Variants in CCDC149 observed in about 807,000 individuals in gnomAD.
CCDC149 encodes the protein coiled-coil domain-containing protein 149.
CCDC149 carries 45 observed loss-of-function variants against 59.9 expected under a neutral mutation model. The ratio of observed to expected loss-of-function variants is 0.75; its 90% CI spans 0.59 to 0.96. The LOEUF (loss-of-function observed/expected upper bound fraction) is 0.96, where lower values mean the gene tolerates loss of function less well. Among genes scored for constraint, CCDC149 ranks in the 40% least tolerant of loss-of-function variants. The probability of loss-of-function intolerance (pLI) is 0.00; values close to 1 mark genes in which losing one functional copy is unlikely to be tolerated. For missense variants in CCDC149, 584 were observed against 664.7 expected, an observed-to-expected ratio of 0.88 and a Z score of 1.33; for synonymous variants, 245 against 260.6, an observed-to-expected ratio of 0.94 and a Z score of 0.58.
At chr4:24,979,349 G>A (rs568839805) in intron 1 of CCDC149, among the ~76,000 whole-genome samples, 6 of 152,192 alleles carry the variant, frequency 3.9e-5, no homozygotes, top group African/African-American at 4.8e-5. Flanking sequence ...GGAAATGTCT[G>A]CAAGTGATCT....
At chr4:24,819,680 G>T (rs1715239941) in intron 12 of CCDC149, among the ~76,000 whole-genome samples, 179 bp downstream of exon 12, 1 of 152,178 alleles carries the variant, frequency 6.6e-6, no homozygotes, top group African/African-American at 2.4e-5. Flanking sequence ...CCTGCATGCT[G>T]CATTTAAAAC....
At chr4:24,927,919 C>T (rs186385654) in intron 1 of CCDC149, among the ~76,000 whole-genome samples, 218 of 150,826 alleles carry the variant, frequency 1.4e-3, no homozygotes, top group Middle Eastern at 0.01. Flanking sequence ...AAGTGAATTT[C>T]TTCCTTTTGC....
intron 1 of CCDC149, among the ~76,000 whole-genome samples, chr4:24,940,373 C>A (rs1315808317): frequency 4.7e-4 from 68 of 145,920 alleles, no homozygotes; most frequent in African/African-American, 1.3e-3. Flanking sequence ...CCAGGCCTGC[C>A]CTAAAAGAGC....
intron 1 of CCDC149, among the ~76,000 whole-genome samples, chr4:24,893,459 G>A (rs1332325170): frequency 6.6e-6 from 1 of 152,062 alleles, no homozygotes; most frequent in Non-Finnish European, 1.5e-5. Flanking sequence ...TGTAAGACTT[G>A]TAATCCACTT....
intron 9 of CCDC149, chr4:24,828,573 T>A (rs1333496517): frequency 6.6e-6 from 1 of 151,334 alleles, no homozygotes; most frequent in African/African-American, 2.4e-5. Context: ...AGGTCAAGAG[T>A]TTGAGACCAG....
chr4:24,962,823 T>C (rs1345943529), intron 1 of CCDC149, among the ~76,000 whole-genome samples: 1 of 151,946 alleles, frequency 6.6e-6, no homozygotes, highest in Non-Finnish European at 1.5e-5. Flanking sequence ...ACATGGCACA[T>C]GTATACATAT....
At chr4:24,888,798 T>G (rs1227185655) in intron 1 of CCDC149, among the ~76,000 whole-genome samples, 1 of 152,180 alleles carries the variant, frequency 6.6e-6, no homozygotes, top group East Asian at 1.9e-4. Context: ...ATTGCAAGAC[T>G]CCCTGGGCAT....
At chr4:24,841,631 G>A (rs1358232466) in intron 4 of CCDC149, among the ~76,000 whole-genome samples, 2 of 152,210 alleles carry the variant, frequency 1.3e-5, no homozygotes, top group African/African-American at 2.4e-5. Flanking sequence ...AGATGGCAGA[G>A]CCCCAGGGAG....
At chr4:24,896,536 T>C (rs1009022648) in intron 1 of CCDC149, among the ~76,000 whole-genome samples, 3 of 152,210 alleles carry the variant, frequency 2.0e-5, no homozygotes, top group Non-Finnish European at 4.4e-5. Context: ...TCAGACACGC[T>C]ATAATACAGG....
intron 1 of CCDC149, among the ~76,000 whole-genome samples, chr4:24,887,911 C>T (rs543722667): frequency 1.3e-5 from 2 of 152,292 alleles, no homozygotes; most frequent in East Asian, 1.9e-4. Context: ...CTTCTACTCC[C>T]GCCCTCCATG....
At chr4:24,856,865 A>G (rs1026358213) in intron 3 of CCDC149, among the ~76,000 whole-genome samples, 1 of 152,126 alleles carries the variant, frequency 6.6e-6, no homozygotes, top group Non-Finnish European at 1.5e-5. Flanking sequence ...CCTCCCTACC[A>G]GATGGAGGGC....
At chr4:24,967,187 A>C (rs925426751) in intron 1 of CCDC149, among the ~76,000 whole-genome samples, 2 of 152,154 alleles carry the variant, frequency 1.3e-5, no homozygotes, top group African/African-American at 4.8e-5. Context: ...ATTCGGACTG[A>C]GTGCATGTGA....
chr4:24,848,336 C>T (rs1036041929), intron 4 of CCDC149, among the ~76,000 whole-genome samples: 2 of 152,142 alleles, frequency 1.3e-5, no homozygotes, highest in South Asian at 2.1e-4. Context: ...TTTGGGATGC[C>T]GAGGTGGGTG....
intron 1 of CCDC149, among the ~76,000 whole-genome samples, chr4:24,925,191 G>C (rs1415501931): frequency 6.6e-6 from 1 of 152,168 alleles, no homozygotes; most frequent in Non-Finnish European, 1.5e-5. Flanking sequence ...AGACATTCCT[G>C]TTCAAAAGCA....
At chr4:24,958,914 A>G (rs530873226) in intron 1 of CCDC149, among the ~76,000 whole-genome samples, 9 of 152,024 alleles carry the variant, frequency 5.9e-5, no homozygotes, top group African/African-American at 2.2e-4. Context: ...AATCTCAGCT[A>G]CTCATGAGGC....
intron 12 of CCDC149, among the ~76,000 whole-genome samples, chr4:24,819,371 G>A (rs528074211): frequency 1.3e-5 from 2 of 152,276 alleles, no homozygotes; most frequent in East Asian, 3.9e-4. Context: ...CCCCAGGCTG[G>A]AGTGTGGTGG....
In CCDC149 at chr4:24,808,359, A is replaced by G. The variant is rs1714348834; in HGVS notation, c.*30T>C. 3.5e-6 allele frequency: 5 copies of G among 1,435,864 alleles called. No homozygotes were observed. Among genetic ancestry groups the G allele is most frequent in the Non-Finnish European group, 4.6e-6 (5 of 1,091,802 alleles). 88.9% of individuals were successfully genotyped at this position (1,435,864 alleles called of 1,614,324 possible). On this transcript the variant is annotated 3_prime_UTR_variant, in exon 13 of 13. Coordinates refer to ENST00000635206, the MANE Select transcript of CCDC149 (RefSeq NM_001330643.2). ...TTCTTGACCCTCTCTGGGGCTTTCA[A>G]TGTGTCATTGTGTCAGATCCCTCTC...
At chr4:24,905,624 C>G (rs1721456911) in intron 1 of CCDC149, among the ~76,000 whole-genome samples, 1 of 152,092 alleles carries the variant, frequency 6.6e-6, no homozygotes, top group East Asian at 1.9e-4. Context: ...TTAGTAGAGA[C>G]TGGGTTTTGC....
intron 1 of CCDC149, among the ~76,000 whole-genome samples, chr4:24,947,053 T>C (rs534441264): frequency 1.1e-4 from 16 of 152,334 alleles, no homozygotes; most frequent in Middle Eastern, 3.4e-3. Context: ...AGTAATAATA[T>C]TTTTGCAATC....
Sources: allele counts gnomAD v4.1 joint callset (sites outside exome capture counted in the v4.1 genomes callset), GRCh38; gene constraint gnomAD v4.1.1; transcripts MANE v1.5; gene names NCBI Gene and HGNC (gene_info 2026-07-23, HGNC 2026-07-21).